Variants in CEP83 observed in about 807,000 individuals in gnomAD.
The protein encoded by CEP83 is centrosomal protein of 83 kDa.
CEP83 carries 70 observed loss-of-function variants against 101.9 expected under a neutral mutation model. That is an observed-to-expected ratio of 0.69 (90% CI 0.57 to 0.84). The LOEUF is 0.84. CEP83 is among the 40% of genes least tolerant of loss of function. The probability of loss-of-function intolerance (pLI) is 0.00; values close to 1 mark genes in which losing one functional copy is unlikely to be tolerated. For missense variants in CEP83, 715 were observed against 787.2 expected (o/e 0.91, Z 1.10); for synonymous variants, 264 against 267.9 (o/e 0.99, Z 0.14).
chr12:94,457,878 G>A (rs2067802282), intron 1 of CEP83, among the ~76,000 whole-genome samples: 1 of 152,186 alleles, frequency 6.6e-6, no homozygotes, highest in African/African-American at 2.4e-5. Flanking sequence ...ACAGTGAGGT[G>A]ACTGGTAAAC....
chr12:94,358,287 A>C (rs370179002), intron 11 of CEP83, among the ~76,000 whole-genome samples: 14 of 152,334 alleles, frequency 9.2e-5, no homozygotes, highest in African/African-American at 3.4e-4. Context: ...CAGAACAATT[A>C]TATAGCCCTC....
intron 11 of CEP83, among the ~76,000 whole-genome samples, chr12:94,342,851 G>A (rs2136642489): frequency 6.6e-6 from 1 of 151,496 alleles, no homozygotes; most frequent in Non-Finnish European, 1.5e-5. Context: ...AAATAGAACT[G>A]CTATGAATAT....
the CEP83 span, among the ~76,000 whole-genome samples, chr12:94,288,063 C>A: frequency 8.7e-3 from 1,318 of 152,324 alleles, 21 homozygotes; most frequent in African/African-American, 0.031. Context: ...GGGATACCTT[C>A]CCCCAGATCC....
At chr12:94,392,425 T>C (rs2062605236) in intron 6 of CEP83, among the ~76,000 whole-genome samples, 1 of 152,168 alleles carries the variant, frequency 6.6e-6, no homozygotes, top group Admixed American at 6.5e-5. Flanking sequence ...GAAATAAAGA[T>C]GTTCTTTGAA....
At chr12:94,323,233 G>T (rs1287856231) in intron 14 of CEP83, among the ~76,000 whole-genome samples, 1 of 152,112 alleles carries the variant, frequency 6.6e-6, no homozygotes, top group African/African-American at 2.4e-5. Context: ...CTTGGCTGGA[G>T]TTGCAGTTGC....
the CEP83 span, among the ~76,000 whole-genome samples, chr12:94,291,354 G>C: frequency 6.6e-6 from 1 of 152,152 alleles, no homozygotes; most frequent in South Asian, 2.1e-4. Flanking sequence ...TCCTGCCTCA[G>C]CTGGGACTAC....
chr12:94,443,923 TTC>T (rs1469779003), intron 1 of CEP83, among the ~76,000 whole-genome samples: 3 of 152,210 alleles, frequency 2.0e-5, no homozygotes. Context: ...TTTGTTCATC[TTC>T]ATAGTTCCCA....
the CEP83 span, chr12:94,298,855 A>G: frequency 7.9e-7 from 1 of 1,266,410 alleles, no homozygotes; most frequent in Non-Finnish European, 1.1e-6. Flanking sequence ...ATTAACTAAA[A>G]GAAAGACATA....
chr12:94,459,206 T>A (rs374949665), intron 1 of CEP83, among the ~76,000 whole-genome samples: 14 of 152,354 alleles, frequency 9.2e-5, no homozygotes, highest in African/African-American at 3.4e-4. Flanking sequence ...ACCCAGCATA[T>A]GCTAACATAT....
chr12:94,400,054 G>T (rs1471387232), intron 6 of CEP83, among the ~76,000 whole-genome samples: 3 of 152,088 alleles, frequency 2.0e-5, no homozygotes, highest in Non-Finnish European at 4.4e-5. Flanking sequence ...GTAAAGGAAG[G>T]TAAGTATATT....
At chr12:94,392,453 C>T (rs1192948920) in intron 6 of CEP83, among the ~76,000 whole-genome samples, 2 of 152,176 alleles carry the variant, frequency 1.3e-5, no homozygotes, top group Non-Finnish European at 2.9e-5. Context: ...AGAAGAAAGA[C>T]ACAATGTACC....
intron 4 of CEP83, among the ~76,000 whole-genome samples, chr12:94,404,828 CCCTTCCT>C (rs2063446641): frequency 8.5e-5 from 13 of 152,094 alleles, no homozygotes; most frequent in Non-Finnish European, 1.6e-4. Flanking sequence ...AACTTATGTA[CCCTTCCT>C]AAAACAATCT....
At chr12:94,293,484 G>A in the CEP83 span, among the ~76,000 whole-genome samples, 1 of 152,220 alleles carries the variant, frequency 6.6e-6, no homozygotes, top group African/African-American at 2.4e-5. Context: ...TATAGTTCCA[G>A]AGACTGGAAG....
the CEP83 span, among the ~76,000 whole-genome samples, chr12:94,295,197 C>T: frequency 2.1e-4 from 32 of 152,212 alleles, no homozygotes; most frequent in African/African-American, 7.2e-4. Flanking sequence ...CTTTCACACA[C>T]ACAGCCAGAG....
rs561911776 is a variant in CEP83, at chr12:94,425,922, C to G, written c.-102+9353G>C. 1.2e-3 allele frequency among the ~76,000 whole-genome samples: 180 copies of G among 152,092 alleles called. No individual in the cohort carries two copies. In the South Asian group the frequency reaches 0.014, roughly 12 times the overall value. On this transcript the variant is annotated intron_variant, in intron 2 of 16. Transcript: ENST00000397809. ...GATCACGAGGTCAGGAGCTTGAGAC[C>G]ATCCTGGCTAACACAGTGAAACCCC...
chr12:94,457,974 A>AT (rs1458298481), intron 1 of CEP83, among the ~76,000 whole-genome samples: 1 of 152,146 alleles, frequency 6.6e-6, no homozygotes, highest in Non-Finnish European at 1.5e-5. Flanking sequence ...AGGTGGGCAG[A>AT]TCGCCTGAAG....
intron 14 of CEP83, among the ~76,000 whole-genome samples, chr12:94,323,744 T>G (rs942770763): frequency 6.6e-6 from 1 of 152,214 alleles, no homozygotes; most frequent in African/African-American, 2.4e-5. Context: ...ATGGTGATAG[T>G]AGACATCTGT....
At chr12:94,443,579 G>A (rs766731881) in intron 1 of CEP83, among the ~76,000 whole-genome samples, 51 of 151,996 alleles carry the variant, frequency 3.4e-4, no homozygotes, top group Admixed American at 8.5e-4. Context: ...TGCAACCTCC[G>A]TCCCGCGGGT....
intron 2 of CEP83, among the ~76,000 whole-genome samples, chr12:94,417,791 A>AATAC (rs58871460): frequency 0.06 from 9,102 of 151,666 alleles, 335 homozygotes; most frequent in Non-Finnish European, 0.085. Flanking sequence ...CCATCTCAAA[A>AATAC]ATACATACAT....
Sources: allele counts gnomAD v4.1 joint callset (sites outside exome capture counted in the v4.1 genomes callset), GRCh38; gene constraint gnomAD v4.1.1; transcripts MANE v1.5; gene names NCBI Gene and HGNC (gene_info 2026-07-23, HGNC 2026-07-21).